The following PDE10A variants were observed in gnomAD, a reference collection of about 807,000 sequenced individuals.
PDE10A encodes cAMP and cAMP-inhibited cGMP 3',5'-cyclic phosphodiesterase 10A.
In PDE10A, 39 loss-of-function variants were observed where a neutral mutation model predicts 97.7. The ratio of observed to expected loss-of-function variants is 0.40; its 90% CI spans 0.31 to 0.52. The LOEUF (loss-of-function observed/expected upper bound fraction) is 0.52, where lower values mean the gene tolerates loss of function less well. Ranked by LOEUF, PDE10A falls within the 20% of genes least tolerant of loss-of-function variation. The pLI, the probability that PDE10A is intolerant of heterozygous loss-of-function variation, is 0.56. For missense variants in PDE10A, 731 were observed against 1,047.8 expected, an observed-to-expected ratio of 0.70 and a Z score of 4.17; for synonymous variants, 371 against 376.8, an observed-to-expected ratio of 0.98 and a Z score of 0.18.
In PDE10A at chr6:165,336,120, T is replaced by C; in HGVS notation, c.3065+3A>G. ...TTTTTACGGCTTGAACCATAGTACA[T>C]ACCTGCATGCTTTCAGAAGAGGCTC... On this transcript the variant is annotated splice_donor_region_variant and intron_variant, in intron 21 of 21. Transcript: ENST00000539869. The C allele has an allele frequency of 1.2e-6, 2 of 1,603,838 alleles. No homozygotes were observed. Among genetic ancestry groups the C allele is most frequent in the Non-Finnish European group, 1.7e-6 (2 of 1,170,968 alleles).
At chr6:165,615,778 G>A (rs938190320) in intron 1 of PDE10A, among the ~76,000 whole-genome samples, 25 of 152,172 alleles carry the variant, frequency 1.6e-4, no homozygotes, top group South Asian at 6.2e-4. Context: ...TCTCTCAGCC[G>A]TCACACAGCA....
intron 3 of PDE10A, among the ~76,000 whole-genome samples, chr6:165,465,829 A>C (rs1049515056): frequency 9.9e-5 from 15 of 152,212 alleles, no homozygotes; most frequent in African/African-American, 3.6e-4. Context: ...ATTCAAGGTG[A>C]GATTTGGGTG....
At chr6:165,523,126 C>T (rs1782229837) in intron 2 of PDE10A, among the ~76,000 whole-genome samples, 1 of 151,854 alleles carries the variant, frequency 6.6e-6, no homozygotes, top group Admixed American at 6.6e-5. Context: ...GATTACATAA[C>T]ACAGAGAAAC....
intron 2 of PDE10A, among the ~76,000 whole-genome samples, chr6:165,491,705 A>T (rs1235546272): frequency 6.6e-6 from 1 of 152,196 alleles, no homozygotes; most frequent in Non-Finnish European, 1.5e-5. Context: ...AGGATACAGC[A>T]AAAGTGGTAC....
intron 1 of PDE10A, among the ~76,000 whole-genome samples, chr6:165,724,804 G>C (rs1792252061): frequency 6.6e-6 from 1 of 152,202 alleles, no homozygotes; most frequent in African/African-American, 2.4e-5. Context: ...TGGGAGTCGA[G>C]AGACTCCTGA....
chr6:165,372,937 C>T (rs372899978), intron 18 of PDE10A, among the ~76,000 whole-genome samples: 15 of 150,870 alleles, frequency 9.9e-5, no homozygotes, highest in African/African-American at 3.7e-4. Context: ...TATCTACAAC[C>T]ATCTGATCTT....
At chr6:165,536,516 A>C (rs1013051074) in intron 2 of PDE10A, among the ~76,000 whole-genome samples, 5 of 151,914 alleles carry the variant, frequency 3.3e-5, no homozygotes, top group Non-Finnish European at 7.4e-5. Context: ...GACAACCTAC[A>C]GAATAGGAGA....
At chr6:165,498,131 G>A (rs904473337) in intron 2 of PDE10A, among the ~76,000 whole-genome samples, 1 of 151,858 alleles carries the variant, frequency 6.6e-6, no homozygotes, top group Non-Finnish European at 1.5e-5. Flanking sequence ...AACAATTTAG[G>A]CCAGGCACCA....
intron 5 of PDE10A, among the ~76,000 whole-genome samples, chr6:165,445,892 T>TAGAGAGAG (rs145999232): frequency 6.9e-5 from 10 of 144,904 alleles, no homozygotes; most frequent in African/African-American, 2.3e-4. Context: ...AATTCACAGT[T>TAGAGAGAG]AGAGAGAGAG....
Position 165,918,745 on chromosome 6 carries a change from C to T in PDE10A, c.-615+68784G>A, listed in dbSNP as rs115835864. The stretch of plus-strand genomic sequence containing the variant: ...AATTGCCCAAGTGGACCTCATTTCT[C>T]CTGCACAGGTTTCACCTCTGGAGCA... On this transcript the variant is annotated intron_variant, in intron 1 of 19. Coordinates refer to the PDE10A transcript ENST00000366882. Among the ~76,000 whole-genome samples the T allele has an allele frequency of 6.4e-3, 979 of 151,890 alleles. 10 individuals carry two copies. Among genetic ancestry groups the T allele is most frequent in the African/African-American group, 0.021 (868 of 41,416 alleles).
At chr6:165,613,972 C>G (rs1176802894) in intron 1 of PDE10A, among the ~76,000 whole-genome samples, 1 of 152,184 alleles carries the variant, frequency 6.6e-6, no homozygotes. Context: ...CATTCACCCA[C>G]CTGCCCACAC....
At chr6:165,591,253 C>G (rs536360854) in intron 1 of PDE10A, among the ~76,000 whole-genome samples, 1 of 152,178 alleles carries the variant, frequency 6.6e-6, no homozygotes, top group South Asian at 2.1e-4. Context: ...GGGGCTTTTT[C>G]TTTCACAGCA....
At chr6:165,523,476 T>C (rs1447343398) in intron 2 of PDE10A, among the ~76,000 whole-genome samples, 2 of 151,952 alleles carry the variant, frequency 1.3e-5, no homozygotes, top group Non-Finnish European at 2.9e-5. Flanking sequence ...AAACCTATAG[T>C]AATCTGATCT....
chr6:165,943,541 G>A (rs540043028), intron 1 of PDE10A, among the ~76,000 whole-genome samples: 9 of 152,262 alleles, frequency 5.9e-5, no homozygotes, highest in East Asian at 1.9e-4. Context: ...AGCCACTGGC[G>A]TAAGTACAGA....
In PDE10A at chr6:165,654,577, T is replaced by C. The variant is rs150345004; in HGVS notation, c.865+7370A>G. Among the ~76,000 whole-genome samples the C allele has an allele frequency of 1.9e-3, 284 of 148,896 alleles. 1 individual carries two copies. Among genetic ancestry groups the C allele is most frequent in the African/African-American group, 7.2e-3 (278 of 38,352 alleles). ...TCCCCACATTCTACTCGCCCTGTCC[T>C]CTTTAAGGTTTGTTTCCACCCGACT... On this transcript the variant is annotated intron_variant, in intron 1 of 21. Transcript: ENST00000539869.
At chr6:165,874,380 A>AC (rs1781280156) in intron 1 of PDE10A, among the ~76,000 whole-genome samples, 1 of 61,920 alleles carries the variant, frequency 1.6e-5, no homozygotes, top group South Asian at 9.4e-4. Flanking sequence ...ATTAGAAAAA[A>AC]AAAATTTAGC....
At chr6:165,845,638 T>C (rs953585600) in intron 1 of PDE10A, among the ~76,000 whole-genome samples, 1 of 152,226 alleles carries the variant, frequency 6.6e-6, no homozygotes, top group Non-Finnish European at 1.5e-5. Flanking sequence ...GTTTCTCCTT[T>C]AAGCATAAAG....
intron 1 of PDE10A, among the ~76,000 whole-genome samples, chr6:165,911,342 G>A (rs1782448050): frequency 6.6e-6 from 1 of 152,186 alleles, no homozygotes; most frequent in Non-Finnish European, 1.5e-5. Flanking sequence ...AAATGGCAAA[G>A]ACGTTACATA....
At chr6:165,878,252 T>C (rs1369208590) in intron 1 of PDE10A, among the ~76,000 whole-genome samples, 1 of 152,242 alleles carries the variant, frequency 6.6e-6, no homozygotes, top group African/African-American at 2.4e-5. Flanking sequence ...TAGATTTCTA[T>C]ATCTTTGTTG....
Sources: gnomAD v4.1 joint callset for allele counts (sites outside exome capture counted in the v4.1 genomes callset) on GRCh38, gnomAD v4.1.1 for gene constraint, MANE v1.5 for transcripts, NCBI Gene and HGNC (gene_info 2026-07-23, HGNC 2026-07-21) for gene names.